Variants in TBL1X observed in about 807,000 individuals in gnomAD.
TBL1X encodes transducin beta like 1 X-linked, also known as F-box-like/WD repeat-containing protein TBL1X.
TBL1X carries 10 observed loss-of-function variants against 50.7 expected under a neutral mutation model. The ratio of observed to expected loss-of-function variants is 0.20; its 90% CI spans 0.12 to 0.33. The LOEUF is 0.33. TBL1X is among the 10% of genes least tolerant of loss of function. The pLI is 1.00. For missense variants in TBL1X, 340 were observed against 504.4 expected, an observed-to-expected ratio of 0.67 and a Z score of 3.12; for synonymous variants, 190 against 214.7, an observed-to-expected ratio of 0.88 and a Z score of 1.01.
At chrX:9,571,033 A>T (rs778837058) in intron 2 of TBL1X, among the ~76,000 whole-genome samples, 3 of 112,318 alleles carry the variant, frequency 2.7e-5, no homozygotes, top group Admixed American at 9.4e-5. Context: ...TAAGGATATT[A>T]TATGAGTCTG....
At position 9,719,015 on chromosome X, in the gene TBL1X, GT is replaced by G. The variant is rs2083294691; in HGVS notation, c.*2770del. 1 of 112,645 alleles carries G rather than the reference GT, an allele frequency of 8.9e-6. No individual in the cohort carries two copies. The highest frequency in any genetic ancestry group is 9.4e-5 in the Admixed American group (1 of 10,694). 9.3% of individuals were successfully genotyped at this position (112,645 alleles called of 1,213,427 possible). ...TCTCTGCTGCTGGCATGTTGGTAGA[GT>G]CATCCCTGTAATCAAGAAATGGCCT... is the stretch of plus-strand genomic sequence containing the variant. On this transcript the variant is annotated 3_prime_UTR_variant, in exon 18 of 18. Transcript: ENST00000645353.
chrX:9,648,653 G>T (rs1186872474), intron 3 of TBL1X, among the ~76,000 whole-genome samples: 1 of 112,112 alleles, frequency 8.9e-6, no homozygotes, highest in Non-Finnish European at 1.9e-5. Flanking sequence ...GGTGCTTGTG[G>T]ACTGGCCTTA....
At chrX:9,613,702 A>G (rs1385911723) in intron 2 of TBL1X, among the ~76,000 whole-genome samples, 1 of 111,465 alleles carries the variant, frequency 9.0e-6, no homozygotes, top group Non-Finnish European at 1.9e-5. Flanking sequence ...AAATTAATTT[A>G]AGGCTGGGCG....
chrX:9,565,246 T>G (rs1261550542), intron 2 of TBL1X, among the ~76,000 whole-genome samples: 1 of 76,597 alleles, frequency 1.3e-5, no homozygotes, highest in African/African-American at 5.5e-5. Context: ...CACTCCAGCC[T>G]GGGTGGCAGA....
At chrX:9,566,317 C>G (rs2082351188) in intron 2 of TBL1X, among the ~76,000 whole-genome samples, 1 of 111,938 alleles carries the variant, frequency 8.9e-6, no homozygotes, top group South Asian at 3.7e-4. Flanking sequence ...TCAAAATTAC[C>G]TGTAAGAACC....
rs2283695 is a variant in TBL1X at position 9,704,761 on chromosome X, A to G, written c.1115-232A>G. Among the ~76,000 whole-genome samples, 52,478 of 109,672 alleles carry G rather than the reference A, an allele frequency of 0.48. 10,071 individuals carry two copies. Among genetic ancestry groups the G allele is most frequent in the African/African-American group, 0.72 (21,720 of 30,056 alleles). ...ATTTAAATTAGCTAGGCGTGATGGC[A>G]TGCGCTATTCAGAAGGCTGAGGTGG... On this transcript the variant is annotated intron_variant, in intron 12 of 17. Coordinates refer to ENST00000645353, the MANE Select transcript of TBL1X (RefSeq NM_005647.4).
chrX:9,692,391 G>A, intron 9 of TBL1X, 137 bp downstream of exon 9: 1 of 782,852 alleles, frequency 1.3e-6, no homozygotes, highest in Non-Finnish European at 1.8e-6. Context: ...CTGATGGGCT[G>A]CCAGAGAGGT....
intron 2 of TBL1X, among the ~76,000 whole-genome samples, chrX:9,607,252 G>A (rs1795040386): frequency 2.7e-5 from 3 of 112,874 alleles, no homozygotes; most frequent in Non-Finnish European, 5.6e-5. Context: ...AATGAGCCTC[G>A]TGAGTGCCAG....
intron 1 of TBL1X, among the ~76,000 whole-genome samples, chrX:9,471,632 G>A (rs753455913): frequency 8.9e-6 from 1 of 111,972 alleles, no homozygotes; most frequent in Admixed American, 9.5e-5. Context: ...CCCACAGCGA[G>A]TCAGAAGGCG....
At chrX:9,676,348 C>G (rs966436380) in intron 5 of TBL1X, among the ~76,000 whole-genome samples, 1 of 112,142 alleles carries the variant, frequency 8.9e-6, no homozygotes, top group Admixed American at 9.4e-5. Context: ...CCAAGGTTGT[C>G]TCGTTGTCCT....
chrX:9,472,369 T>TG (rs1383293829), intron 1 of TBL1X, among the ~76,000 whole-genome samples: 3 of 110,574 alleles, frequency 2.7e-5, no homozygotes, highest in Non-Finnish European at 5.7e-5. Flanking sequence ...AAGTGATCCT[T>TG]CTGCCTCAGC....
chrX:9,695,902 A>C (rs1395083399), intron 11 of TBL1X, among the ~76,000 whole-genome samples: 1 of 112,518 alleles, frequency 8.9e-6, no homozygotes, highest in Admixed American at 9.4e-5. Flanking sequence ...CTATGTGATC[A>C]GTGAAAATGC....
chrX:9,470,249 A>G (rs1407178992), intron 1 of TBL1X, among the ~76,000 whole-genome samples: 1 of 112,571 alleles, frequency 8.9e-6, no homozygotes, highest in Non-Finnish European at 1.9e-5. Context: ...CAAACAATCC[A>G]ATTATACTCT....
intron 5 of TBL1X, among the ~76,000 whole-genome samples, chrX:9,674,212 A>G (rs2082977224): frequency 8.9e-6 from 1 of 112,298 alleles, no homozygotes; most frequent in Admixed American, 9.4e-5. Context: ...TAAGGTTGCA[A>G]TGAGCAGCGC....
chrX:9,692,368 C>T (rs1406162054), intron 9 of TBL1X, 114 bp downstream of exon 9: 1 of 952,118 alleles, frequency 1.1e-6, no homozygotes, highest in African/African-American at 2.0e-5. Flanking sequence ...GTCCTGTGTG[C>T]TCAGCCCCCA....
chrX:9,474,802 T>A (rs2081839313), intron 1 of TBL1X, among the ~76,000 whole-genome samples: 1 of 112,983 alleles, frequency 8.9e-6, no homozygotes, highest in Non-Finnish European at 1.9e-5. Context: ...TTCAAAGACA[T>A]CAACGTGAGA....
At chrX:9,525,117 G>A (rs11798942) in intron 2 of TBL1X, among the ~76,000 whole-genome samples, 27,020 of 109,853 alleles carry the variant, frequency 0.25, 3,369 homozygotes, top group African/African-American at 0.47. Context: ...ATGGGAGTCA[G>A]TTACAGACAA....
In TBL1X at chrX:9,533,690, C is replaced by G. The variant is rs1388886470; in HGVS notation, c.-131+31841C>G. ...GGCACAGTGATGGTGGGTATTCGTG[C>G]AGTGTTTTGAAAATGTGGAGGTCAG... On this transcript the variant is annotated intron_variant, in intron 2 of 17. Coordinates refer to ENST00000645353, the MANE Select transcript of TBL1X (RefSeq NM_005647.4). 2.7e-5 allele frequency among the ~76,000 whole-genome samples: 3 copies of G among 110,826 alleles called. No homozygotes were observed. The Admixed American group carries it at 2.9e-4, about 11-fold the overall frequency.
At chrX:9,464,042 C>A (rs968372374), upstream of TBL1X, among the ~76,000 whole-genome samples, 1 of 111,680 alleles carries the variant, frequency 9.0e-6, no homozygotes, top group Non-Finnish European at 1.9e-5. Context: ...GCACGAAGCT[C>A]ATTATATAGT....
Sources: allele counts gnomAD v4.1 joint callset (sites outside exome capture counted in the v4.1 genomes callset), GRCh38; gene constraint gnomAD v4.1.1; transcripts MANE v1.5; gene names NCBI Gene and HGNC (gene_info 2026-07-23, HGNC 2026-07-21).